KCTD8: variants seen among roughly 807,000 people sequenced by gnomAD.
KCTD8 encodes the protein BTB/POZ domain-containing protein KCTD8.
KCTD8 carries 27 observed loss-of-function variants against 31.5 expected under a neutral mutation model. The ratio of observed to expected loss-of-function variants is 0.86; its 90% CI spans 0.63 to 1.18. The LOEUF (loss-of-function observed/expected upper bound fraction) is 1.18, where lower values mean the gene tolerates loss of function less well. KCTD8 is among the 50% of genes most tolerant of loss of function. The pLI is 0.00. For synonymous variants in KCTD8, 290 were observed against 280.0 expected (o/e 1.04, Z -0.36); for missense variants, 658 against 647.7 (o/e 1.02, Z -0.17).
chr4:44,361,570 T>C (rs1455084802), intron 1 of KCTD8, among the ~76,000 whole-genome samples: 1 of 152,242 alleles, frequency 6.6e-6, no homozygotes, highest in Non-Finnish European at 1.5e-5. Context: ...ACTAGTTTTC[T>C]AGACAATAAT....
chr4:44,219,541 T>C (rs928757717), intron 1 of KCTD8, among the ~76,000 whole-genome samples: 18 of 152,166 alleles, frequency 1.2e-4, no homozygotes, highest in Non-Finnish European at 2.2e-4. Flanking sequence ...ACTGGAGTTA[T>C]ACACCTGAAA....
chr4:44,323,352 T>A (rs543512290), intron 1 of KCTD8, among the ~76,000 whole-genome samples: 1 of 151,520 alleles, frequency 6.6e-6, no homozygotes, highest in Non-Finnish European at 1.5e-5. Flanking sequence ...AAATTAGCCA[T>A]GTGTAGTGGC....
chr4:44,209,770 C>G (rs1375548773), intron 1 of KCTD8, among the ~76,000 whole-genome samples: 1 of 151,886 alleles, frequency 6.6e-6, no homozygotes, highest in Non-Finnish European at 1.5e-5. Flanking sequence ...CTTGAACTGA[C>G]AAGAACAAGT....
rs148138086 is a variant in KCTD8, at chr4:44,210,744, A to C, written c.962-35494T>G. On this transcript the variant is annotated intron_variant, in intron 1 of 1. Transcript: ENST00000360029. ...TAGGAAGACAGGAGGGAAGGGCACCACTTTCCTCTTTTAAAGTATGCCTGG... is the reference window on the plus strand; with the variant it reads ...TAGGAAGACAGGAGGGAAGGGCACCCCTTTCCTCTTTTAAAGTATGCCTGG... 9.0e-3 allele frequency among the ~76,000 whole-genome samples: 1,371 copies of C among 152,286 alleles called. 19 individuals carry two copies. Among genetic ancestry groups the C allele is most frequent in the African/African-American group, 0.031 (1,284 of 41,542 alleles).
intron 1 of KCTD8, among the ~76,000 whole-genome samples, chr4:44,181,785 C>G (rs1713416478): frequency 6.6e-6 from 1 of 151,644 alleles, no homozygotes; most frequent in Non-Finnish European, 1.5e-5. Flanking sequence ...CGGCCGCCAT[C>G]CCATCTAGGA....
At chr4:44,265,173 C>T (rs928020837) in intron 1 of KCTD8, among the ~76,000 whole-genome samples, 2 of 152,002 alleles carry the variant, frequency 1.3e-5, no homozygotes, top group African/African-American at 4.8e-5. Flanking sequence ...CTCACACGGC[C>T]GGGTACTCCT....
intron 1 of KCTD8, among the ~76,000 whole-genome samples, chr4:44,253,782 A>G (rs1350310113): frequency 6.6e-6 from 1 of 151,908 alleles, no homozygotes; most frequent in Non-Finnish European, 1.5e-5. Context: ...TGGAGGTTCC[A>G]TGAGATAATA....
chr4:44,340,969 T>G (rs1229665473), intron 1 of KCTD8, among the ~76,000 whole-genome samples: 1 of 151,932 alleles, frequency 6.6e-6, no homozygotes, highest in East Asian at 1.9e-4. Flanking sequence ...TTATAAATTT[T>G]ACTGACTGTA....
At chr4:44,183,519 A>G (rs1713489774) in intron 1 of KCTD8, among the ~76,000 whole-genome samples, 2 of 152,160 alleles carry the variant, frequency 1.3e-5, no homozygotes, top group East Asian at 1.9e-4. Context: ...CTTTTGATCA[A>G]TTCCCTTGGG....
intron 1 of KCTD8, among the ~76,000 whole-genome samples, chr4:44,230,945 T>C (rs892949702): frequency 1.4e-4 from 21 of 152,182 alleles, no homozygotes; most frequent in African/African-American, 5.1e-4. Flanking sequence ...CATCTGGTCA[T>C]CTGTGCTGGA....
chr4:44,386,930 G>C, intron 1 of KCTD8, among the ~76,000 whole-genome samples: 1 of 151,734 alleles, frequency 6.6e-6, no homozygotes, highest in East Asian at 1.9e-4. Context: ...AACAGAGGAA[G>C]TCAAATTATC....
chr4:44,175,147 G>A lies in KCTD8; in HGVS notation c.1065C>T (p.Leu355=), dbSNP rs1412155046. The change falls in exon 2 of 2, where the codon CTC becomes CTT. Residue 355 remains leucine, a synonymous_variant. Transcript: ENST00000360029. ...AATGGCTGTCACAACTGGAAGTGGA[G>A]AGCTCATTACAGGAAGTCCCACTTT... ...GSESGTSCNE[L]STSSCDSHSE... 1 of 1,613,828 alleles carries A rather than the reference G, an allele frequency of 6.2e-7. No homozygotes were observed. Among genetic ancestry groups the A allele is most frequent in the Non-Finnish European group, 8.5e-7 (1 of 1,179,916 alleles).
intron 1 of KCTD8, among the ~76,000 whole-genome samples, chr4:44,239,852 C>G (rs944762478): frequency 2.6e-5 from 4 of 152,182 alleles, no homozygotes; most frequent in Non-Finnish European, 4.4e-5. Flanking sequence ...AACTTCATCT[C>G]TCAGACCAGT....
chr4:44,287,712 C>A (rs62304831), intron 1 of KCTD8, among the ~76,000 whole-genome samples: 35,103 of 152,118 alleles, frequency 0.23, 4,785 homozygotes, highest in Non-Finnish European at 0.31. Flanking sequence ...TTTTAATTCT[C>A]TGGCTCACAG....
intron 1 of KCTD8, among the ~76,000 whole-genome samples, chr4:44,344,156 C>T (rs1560431467): frequency 1.3e-5 from 2 of 151,910 alleles, no homozygotes; most frequent in East Asian, 3.9e-4. Context: ...CACGCCTAGC[C>T]CACATTACAG....
At chr4:44,400,728 CAAAAAA>C (rs34000545) in intron 1 of KCTD8, among the ~76,000 whole-genome samples, 4 of 100,144 alleles carry the variant, frequency 4.0e-5, no homozygotes, top group African/African-American at 1.6e-4. Context: ...GACTCTGTCT[CAAAAAA>C]AAAAAAAAAA....
At chr4:44,338,933 A>G (rs896512101) in intron 1 of KCTD8, among the ~76,000 whole-genome samples, 3 of 152,138 alleles carry the variant, frequency 2.0e-5, no homozygotes, top group Non-Finnish European at 4.4e-5. Flanking sequence ...TAGGAGAAAA[A>G]GATTAGGCCT....
intron 1 of KCTD8, among the ~76,000 whole-genome samples, chr4:44,389,587 TG>T: frequency 6.6e-6 from 1 of 150,730 alleles, no homozygotes; most frequent in East Asian, 2.0e-4. Flanking sequence ...GAGCTGGGGG[TG>T]GGGGTGTGGA....
intron 1 of KCTD8, among the ~76,000 whole-genome samples, chr4:44,245,512 T>G (rs1331772330): frequency 6.6e-6 from 1 of 152,060 alleles, no homozygotes; most frequent in East Asian, 1.9e-4. Context: ...GCTTTTATAG[T>G]AAGCATTAAT....
Sources: gnomAD v4.1 joint callset for allele counts (sites outside exome capture counted in the v4.1 genomes callset) on GRCh38, gnomAD v4.1.1 for gene constraint, MANE v1.5 for transcripts, NCBI Gene and HGNC (gene_info 2026-07-23, HGNC 2026-07-21) for gene names.